Variants in RASEF observed in about 807,000 individuals in gnomAD.
The protein encoded by RASEF is ras and EF-hand domain-containing protein.
A neutral mutation model predicts 90.1 loss-of-function variants in RASEF; 68 were observed. The ratio of observed to expected loss-of-function variants is 0.75; its 90% CI spans 0.62 to 0.92. The LOEUF is 0.92. Among genes scored for constraint, RASEF ranks in the 40% least tolerant of loss-of-function variants. The pLI, the probability that RASEF is intolerant of heterozygous loss-of-function variation, is 0.00. For missense variants in RASEF, 949 were observed against 937.2 expected (o/e 1.01, Z -0.16); for synonymous variants, 331 against 345.2 (o/e 0.96, Z 0.46).
chr9:83,190,557 A>G, the RASEF span, among the ~76,000 whole-genome samples: 3 of 152,208 alleles, frequency 2.0e-5, no homozygotes, highest in African/African-American at 7.2e-5. Flanking sequence ...ACAACACTCA[A>G]TATTTTTACT....
the RASEF span, among the ~76,000 whole-genome samples, chr9:83,106,156 G>A: frequency 0.4 from 60,450 of 152,014 alleles, 12,333 homozygotes; most frequent in East Asian, 0.7. Context: ...CTAGCTCTCC[G>A]GAAATGCTGC....
intron 1 of RASEF, among the ~76,000 whole-genome samples, chr9:83,030,597 C>A (rs1286457358): frequency 6.6e-6 from 1 of 152,184 alleles, no homozygotes; most frequent in African/African-American, 2.4e-5. Context: ...CAGGAAATGT[C>A]TGCCACTAAC....
At chr9:83,175,326 A>G in the RASEF span, among the ~76,000 whole-genome samples, 2 of 152,074 alleles carry the variant, frequency 1.3e-5, no homozygotes, top group South Asian at 4.1e-4. Flanking sequence ...ATGTCATTGG[A>G]CTTTATCAGT....
the RASEF span, among the ~76,000 whole-genome samples, chr9:83,211,733 A>C: frequency 6.6e-6 from 1 of 152,206 alleles, no homozygotes; most frequent in Non-Finnish European, 1.5e-5. Context: ...CAGTGGAGTA[A>C]AGATGACTTG....
chr9:83,179,921 G>A, the RASEF span, among the ~76,000 whole-genome samples: 6 of 152,028 alleles, frequency 3.9e-5, no homozygotes, highest in Admixed American at 6.6e-5. Context: ...GTGTAAACAG[G>A]AGCCGTCCCA....
chr9:82,996,917 T>A lies in RASEF; in HGVS notation c.1920+95A>T, dbSNP rs1217264271. 5.5e-6 allele frequency: 4 copies of A among 727,836 alleles called. No individual in the cohort carries two copies. In the African/African-American group the frequency reaches 7.0e-5, roughly 13 times the overall value. 45.1% of individuals were successfully genotyped at this position (727,836 alleles called of 1,614,324 possible). On this transcript the variant is annotated intron_variant, in intron 14 of 16. Transcript: ENST00000376447. ...GATGGCTTGGATCAATGGTTCCTAA[T>A]CAAGTTCATTCTGACAAAGAAGAGA...
chr9:83,061,377 T>C (rs1830197282), intron 1 of RASEF, among the ~76,000 whole-genome samples: 1 of 152,202 alleles, frequency 6.6e-6, no homozygotes, highest in Non-Finnish European at 1.5e-5. Context: ...ATACTTCCTT[T>C]TCAATGTTCT....
At chr9:83,060,190 T>C (rs187121684) in intron 1 of RASEF, among the ~76,000 whole-genome samples, 3 of 152,242 alleles carry the variant, frequency 2.0e-5, no homozygotes, top group Admixed American at 2.0e-4. Context: ...AAGCCACAAG[T>C]TGGAATGGCA....
chr9:83,037,289 A>G (rs1010337046), intron 1 of RASEF, among the ~76,000 whole-genome samples: 1 of 151,988 alleles, frequency 6.6e-6, no homozygotes, highest in Non-Finnish European at 1.5e-5. Context: ...GGCTAGTTTT[A>G]TATCAATGCA....
intron 2 of RASEF, among the ~76,000 whole-genome samples, chr9:83,024,818 A>G (rs1171129297): frequency 6.6e-6 from 1 of 152,232 alleles, no homozygotes; most frequent in East Asian, 1.9e-4. Flanking sequence ...TGGGAAGGAT[A>G]AAGAGACAGC....
At chr9:83,207,948 C>T in the RASEF span, among the ~76,000 whole-genome samples, 1 of 152,098 alleles carries the variant, frequency 6.6e-6, no homozygotes, top group Non-Finnish European at 1.5e-5. Context: ...CTGTTCTGAC[C>T]GCCTCTTGGT....
the RASEF span, among the ~76,000 whole-genome samples, chr9:83,083,007 A>G: frequency 6.6e-6 from 1 of 152,224 alleles, no homozygotes; most frequent in African/African-American, 2.4e-5. Flanking sequence ...AGCAAAAAAT[A>G]CATGGGTAGT....
intron 1 of RASEF, among the ~76,000 whole-genome samples, chr9:83,031,788 C>T (rs1331013007): frequency 6.6e-6 from 1 of 152,146 alleles, no homozygotes; most frequent in African/African-American, 2.4e-5. Flanking sequence ...AATGAGATAA[C>T]CTTCTACAAT....
At chr9:83,098,755 G>A in the RASEF span, among the ~76,000 whole-genome samples, 18 of 152,254 alleles carry the variant, frequency 1.2e-4, no homozygotes, top group African/African-American at 4.1e-4. Context: ...CTTGTGCAGG[G>A]AATTCTCATT....
At chr9:83,156,416 GT>G in the RASEF span, among the ~76,000 whole-genome samples, 1 of 152,210 alleles carries the variant, frequency 6.6e-6, no homozygotes. Flanking sequence ...TTCAGTCTCT[GT>G]TGCTGGTTCC....
Position 82,986,196 on chromosome 9 carries a change from T to C in RASEF, c.2118-3414A>G, listed in dbSNP as rs562048869. On this transcript the variant is annotated intron_variant, in intron 16 of 16. Coordinates refer to ENST00000376447, the MANE Select transcript of RASEF (RefSeq NM_152573.4). ...TGGTGAAGAGTCCTCACATTGCCAC[T>C]TACTAGCTGTGTCACTGAGCAAGCA... Among the ~76,000 whole-genome samples, 14 of 152,312 alleles carry C rather than the reference T, an allele frequency of 9.2e-5. No homozygotes were observed. The South Asian group carries it at 2.5e-3, about 27-fold the overall frequency.
chr9:83,143,223 T>G, the RASEF span, among the ~76,000 whole-genome samples: 1 of 152,014 alleles, frequency 6.6e-6, no homozygotes, highest in Non-Finnish European at 1.5e-5. Flanking sequence ...AAACAAAAAT[T>G]GACAAGTGGT....
At chr9:83,005,601 T>C (rs1829114949) in intron 7 of RASEF, 101 bp from the exon 8 acceptor site, 2 of 859,426 alleles carry the variant, frequency 2.3e-6, no homozygotes, top group African/African-American at 1.7e-5. Context: ...GAATGTGGAA[T>C]AGCTTATCAT....
chr9:83,038,146 G>T (rs1367685023), intron 1 of RASEF, among the ~76,000 whole-genome samples: 2 of 151,888 alleles, frequency 1.3e-5, no homozygotes, highest in Non-Finnish European at 2.9e-5. Context: ...AACACAACTT[G>T]GTAAGTCTTG....
Sources: allele counts gnomAD v4.1 joint callset (sites outside exome capture counted in the v4.1 genomes callset), GRCh38; gene constraint gnomAD v4.1.1; transcripts MANE v1.5; gene names NCBI Gene and HGNC (gene_info 2026-07-23, HGNC 2026-07-21).